SORCS3: variants seen among roughly 807,000 people sequenced by gnomAD.
SORCS3 encodes sortilin related VPS10 domain containing receptor 3, also known as VPS10 domain-containing receptor SorCS3.
Under a neutral mutation model 146.3 loss-of-function variants are expected in SORCS3, and 57 were observed. That is an observed-to-expected ratio of 0.39 (90% CI 0.31 to 0.49). The LOEUF (loss-of-function observed/expected upper bound fraction) is 0.49. Among genes scored for constraint, SORCS3 ranks in the 20% least tolerant of loss-of-function variants. The pLI is 0.92. For synonymous variants in SORCS3, 653 were observed against 618.5 expected, an observed-to-expected ratio of 1.06 and a Z score of -0.83; for missense variants, 1,341 against 1,575.5, an observed-to-expected ratio of 0.85 and a Z score of 2.52.
intron 14 of SORCS3, among the ~76,000 whole-genome samples, chr10:105,190,776 T>C (rs992710267): frequency 1.3e-5 from 2 of 152,118 alleles, no homozygotes; most frequent in African/African-American, 4.8e-5. Flanking sequence ...TGGGTATGGA[T>C]CATGGGGATA....
chr10:105,254,273 AC>A (rs1317469448), intron 23 of SORCS3, among the ~76,000 whole-genome samples: 2 of 152,176 alleles, frequency 1.3e-5, no homozygotes, highest in Non-Finnish European at 2.9e-5. Context: ...TGTGTCTATG[AC>A]TTCATCAGAT....
At chr10:104,993,423 A>G (rs568389749) in intron 4 of SORCS3, among the ~76,000 whole-genome samples, 83 of 152,334 alleles carry the variant, frequency 5.4e-4, no homozygotes, top group African/African-American at 2.0e-3. Flanking sequence ...GCTTTTTAAA[A>G]TGGAGACTTT....
chr10:105,184,370 C>A (rs1052709440), intron 14 of SORCS3, among the ~76,000 whole-genome samples: 1 of 152,170 alleles, frequency 6.6e-6, no homozygotes, highest in Admixed American at 6.5e-5. Context: ...CTTTTCCCCC[C>A]CAACCATTTA....
chr10:104,768,799 C>A (rs148623804), intron 1 of SORCS3, among the ~76,000 whole-genome samples: 1 of 152,326 alleles, frequency 6.6e-6, no homozygotes, highest in East Asian at 1.9e-4. Context: ...ATTAGAGACA[C>A]TCCTCCTCCT....
intron 2 of SORCS3, among the ~76,000 whole-genome samples, chr10:104,865,935 G>C (rs1285882632): frequency 6.6e-6 from 1 of 152,222 alleles, no homozygotes; most frequent in Non-Finnish European, 1.5e-5. Context: ...TCATGGGAAG[G>C]AGGCATGTAG....
intron 19 of SORCS3, chr10:105,217,963 C>T (rs192135128): frequency 6.9e-4 from 309 of 445,884 alleles, no homozygotes; most frequent in African/African-American, 5.6e-3. Flanking sequence ...CAAGAGTTTC[C>T]AGGTAATATG....
intron 2 of SORCS3, among the ~76,000 whole-genome samples, chr10:104,859,298 A>G (rs1018556097): frequency 1.5e-4 from 23 of 152,288 alleles, no homozygotes; most frequent in African/African-American, 5.5e-4. Context: ...GACAAACCTG[A>G]GAAAAACAAG....
chr10:105,125,563 T>C (rs2055967409), intron 7 of SORCS3, among the ~76,000 whole-genome samples: 1 of 152,062 alleles, frequency 6.6e-6, no homozygotes, highest in African/African-American at 2.4e-5. Flanking sequence ...CAACCTACAC[T>C]TTCTTATTTG....
At chr10:105,049,494 A>G (rs755848603) in intron 5 of SORCS3, among the ~76,000 whole-genome samples, 25 of 152,076 alleles carry the variant, frequency 1.6e-4, no homozygotes, top group Non-Finnish European at 3.1e-4. Context: ...CAGAAATTAA[A>G]TGTAATATCC....
At position 105,170,319 on chromosome 10, in the gene SORCS3, C is replaced by A. The variant is rs561116364; in HGVS notation, c.1901+2970C>A. Among the ~76,000 whole-genome samples the A allele has an allele frequency of 1.4e-4, 21 of 152,124 alleles. No individual in the cohort carries two copies. The South Asian group carries it at 4.2e-3, about 30-fold the overall frequency. On this transcript the variant is annotated intron_variant, in intron 13 of 26. Transcript: ENST00000369701. Reference sequence around the variant, plus strand: ...TTCATTTAGGGATATTTATGTAGGACCAAATCATGACTCTCAAAGTCATCA... The same window carrying A: ...TTCATTTAGGGATATTTATGTAGGAACAAATCATGACTCTCAAAGTCATCA...
chr10:104,924,221 AG>A (rs2019116346), intron 3 of SORCS3, among the ~76,000 whole-genome samples: 1 of 152,194 alleles, frequency 6.6e-6, no homozygotes, highest in South Asian at 2.1e-4. Flanking sequence ...GAGGCCACTC[AG>A]GGACTTGTCT....
At chr10:105,244,201 C>G (rs372855439) in intron 20 of SORCS3, among the ~76,000 whole-genome samples, 1 of 152,012 alleles carries the variant, frequency 6.6e-6, no homozygotes, top group Non-Finnish European at 1.5e-5. Context: ...ACTCATCAGA[C>G]TGAAGATCTG....
At position 105,068,255 on chromosome 10, in the gene SORCS3, G is replaced by A. The variant is rs184545007; in HGVS notation, c.1029-21520G>A. On this transcript the variant is annotated intron_variant, in intron 5 of 26. Transcript: ENST00000369701. ...TCAGATTATTTTAGTTAACAATATCGCTATCCATCAAATTGTCTGACCTAG... is the reference window on the plus strand; with the variant it reads ...TCAGATTATTTTAGTTAACAATATCACTATCCATCAAATTGTCTGACCTAG... Among the ~76,000 whole-genome samples, 6 of 152,126 alleles carry A rather than the reference G, an allele frequency of 3.9e-5. No homozygotes were observed. The East Asian group carries it at 5.8e-4, about 15-fold the overall frequency.
intron 1 of SORCS3, among the ~76,000 whole-genome samples, chr10:104,787,722 TC>T (rs1455805453): frequency 4.6e-5 from 7 of 152,184 alleles, no homozygotes; most frequent in Non-Finnish European, 1.0e-4. Flanking sequence ...AAATCACTTT[TC>T]CATAATTGGT....
intron 4 of SORCS3, among the ~76,000 whole-genome samples, chr10:105,016,134 A>AAT (rs1355412638): frequency 0.12 from 13,473 of 113,174 alleles, 1,324 homozygotes; most frequent in Middle Eastern, 0.16. Context: ...ATATTATATA[A>AAT]ATATATATAT....
At chr10:104,665,227 A>C (rs2015757763) in intron 1 of SORCS3, 1 of 152,272 alleles carries the variant, frequency 6.6e-6, no homozygotes, top group Admixed American at 6.5e-5. Context: ...TTCCCTTTGA[A>C]GTTAGTTCAT....
chr10:105,104,023 A>C (rs2055804221), intron 6 of SORCS3, among the ~76,000 whole-genome samples: 1 of 152,186 alleles, frequency 6.6e-6, no homozygotes, highest in African/African-American at 2.4e-5. Context: ...ATCCATAATT[A>C]CTTAAACAGA....
chr10:105,102,601 A>G (rs2055792759), intron 6 of SORCS3, among the ~76,000 whole-genome samples: 1 of 152,092 alleles, frequency 6.6e-6, no homozygotes, highest in Non-Finnish European at 1.5e-5. Context: ...TGGGTGATGA[A>G]ATAATCTGTA....
intron 7 of SORCS3, among the ~76,000 whole-genome samples, chr10:105,129,874 G>A (rs1354238419): frequency 6.6e-6 from 1 of 152,162 alleles, no homozygotes; most frequent in East Asian, 1.9e-4. Context: ...TTGGCTGAGG[G>A]CAAGGAGAAT....
Sources: gnomAD v4.1 joint callset for allele counts (sites outside exome capture counted in the v4.1 genomes callset) on GRCh38, gnomAD v4.1.1 for gene constraint, MANE v1.5 for transcripts, NCBI Gene and HGNC (gene_info 2026-07-23, HGNC 2026-07-21) for gene names.